Variants in ZNF350 observed in about 807,000 individuals in gnomAD.
ZNF350 encodes the protein KRAB zinc finger protein ZFQR.
In ZNF350, 5 loss-of-function variants were observed where a neutral mutation model predicts 13.1. That is an observed-to-expected ratio of 0.38 (90% CI 0.20 to 0.80). ZNF350 has a LOEUF of 0.80. Among genes scored for constraint, ZNF350 ranks in the 30% least tolerant of loss-of-function variants. ZNF350 has a pLI of 0.43. For missense variants in ZNF350, 534 were observed against 644.2 expected (o/e 0.83, Z 1.85); for synonymous variants, 199 against 224.2 (o/e 0.89, Z 1.00).
chr19:51,980,758 A>G (rs904829507), intron 1 of ZNF350, among the ~76,000 whole-genome samples: 1 of 152,246 alleles, frequency 6.6e-6, no homozygotes, highest in Non-Finnish European at 1.5e-5. Flanking sequence ...AAACAAAATT[A>G]TTGATTTAAA....
At chr19:51,975,443 A>AAAAAAAAAAAAAAAAAAAAAAT (rs2085864559) in intron 1 of ZNF350, among the ~76,000 whole-genome samples, 1 of 151,506 alleles carries the variant, frequency 6.6e-6, no homozygotes, top group Non-Finnish European at 1.5e-5. Flanking sequence ...AAAAAAAAAA[A>AAAAAAAAAAAAAAAAAAAAAAT]AAAAAAAAAC....
rs1327851589 is a variant in ZNF350, at chr19:51,965,900, T to C, written c.553A>G (p.Ile185Val). Reference sequence around the variant, plus strand: ...CTGATGAATTGGGACTTAGTGCTGATGAGTTTTTGACTTGCAGGGAATTTA... The same window carrying C: ...CTGATGAATTGGGACTTAGTGCTGACGAGTTTTTGACTTGCAGGGAATTTA... Reference protein sequence around the residue: ...AIKFPASQKLISTKSQFISPK... With the variant: ...AIKFPASQKLVSTKSQFISPK... The change falls in exon 5 of 5, where the codon ATC (isoleucine) becomes GTC (valine). Residue 185 changes from isoleucine (I) to valine (V), a missense_variant. Ile to Val is a conservative substitution (Grantham distance 29). Transcript: ENST00000243644. 9.3e-6 allele frequency: 15 copies of C among 1,614,132 alleles called. No individual in the cohort carries two copies. The South Asian group carries it at 1.4e-4, about 15-fold the overall frequency.
In ZNF350 at chr19:51,965,399, C is replaced by T; in HGVS notation, c.1054G>A (p.Gly352Arg). 6.2e-7 allele frequency: 1 copy of T among 1,614,112 alleles called. No homozygotes were observed. The highest frequency in any genetic ancestry group is 8.5e-7 in the Non-Finnish European group (1 of 1,180,024). The change falls in exon 5 of 5, where the codon GGA (glycine) becomes AGA (arginine). Residue 352 changes from glycine (G) to arginine (R), a missense_variant. Gly to Arg is a moderately radical substitution (Grantham distance 125). Coordinates refer to ENST00000243644, the MANE Select transcript of ZNF350 (RefSeq NM_021632.4). ...CCTGATTTCTGAGAACAGGATTTTC[C>T]ACATTCACTGCACACAAAGGGCGTC... ...GKTPFVCSECGKSCSQKSGLI... is the reference protein window; with the variant it reads ...GKTPFVCSECRKSCSQKSGLI...
chr19:51,972,167 A>T (rs1206572534), intron 2 of ZNF350, among the ~76,000 whole-genome samples: 1 of 151,998 alleles, frequency 6.6e-6, no homozygotes, highest in Non-Finnish European at 1.5e-5. Context: ...CAGTAATACA[A>T]AATTACCAAG....
chr19:51,972,331 AAAGT>A (rs1415768166), intron 2 of ZNF350, among the ~76,000 whole-genome samples: 9 of 151,564 alleles, frequency 5.9e-5, no homozygotes, highest in South Asian at 2.1e-4. Flanking sequence ...AAAAAGCAGA[AAAGT>A]AAAAGTAAAA....
intron 1 of ZNF350, among the ~76,000 whole-genome samples, chr19:51,979,365 T>A (rs1361590943): frequency 6.6e-6 from 1 of 152,130 alleles, no homozygotes; most frequent in Non-Finnish European, 1.5e-5. Context: ...CTCCTGAGAT[T>A]TATCACGATC....
intron 1 of ZNF350, among the ~76,000 whole-genome samples, chr19:51,983,734 C>T (rs1481213973): frequency 1.3e-5 from 2 of 152,176 alleles, no homozygotes; most frequent in Non-Finnish European, 1.5e-5. Context: ...TCCTGCCACA[C>T]CCCCCTCACC....
At chr19:51,968,984 A>G (rs2085655454) in intron 3 of ZNF350, 21 bp downstream of exon 3, 2 of 1,614,012 alleles carry the variant, frequency 1.2e-6, no homozygotes, top group African/African-American at 2.7e-5. Context: ...CCTCTGAGTG[A>G]CACAGGGCAG....
At chr19:51,984,385 A>G (rs2086123330) in intron 1 of ZNF350, among the ~76,000 whole-genome samples, 1 of 152,194 alleles carries the variant, frequency 6.6e-6, no homozygotes, top group East Asian at 1.9e-4. Context: ...TAAAGAGGCC[A>G]CATAAAGCAC....
rs4988337 is a variant in ZNF350, at chr19:51,964,883, C to T, written c.1570G>A (p.Val524Ile). The T allele has an allele frequency of 7.9e-4, 1,268 of 1,612,358 alleles. 5 individuals are homozygous for T. Among genetic ancestry groups the T allele is most frequent in the Non-Finnish European group, 8.8e-4 (1,036 of 1,178,610 alleles). ...NVVVPSVINYVLFYVTENP is the reference protein window; with the variant it reads ...NVVVPSVINYILFYVTENP ...GGGTTTTCTGTAACATAAAATAAGA[C>T]ATAATTGATCACGGAAGGCACAACC... The change falls in exon 5 of 5, where the codon GTC (valine) becomes ATC (isoleucine). Residue 524 changes from valine to isoleucine, a missense_variant. Physicochemically the swap from Val to Ile is conservative, Grantham distance 29 (BLOSUM62 3). Transcript: ENST00000243644.
intron 1 of ZNF350, chr19:51,981,495 A>G (rs2086042699): frequency 6.6e-6 from 1 of 152,164 alleles, no homozygotes; most frequent in Admixed American, 6.5e-5. Context: ...GGATTTCAGC[A>G]TCTTGGTCAG....
At chr19:51,972,711 A>G (rs1457562562) in intron 2 of ZNF350, among the ~76,000 whole-genome samples, 1 of 142,978 alleles carries the variant, frequency 7.0e-6, no homozygotes, top group Non-Finnish European at 1.5e-5. Flanking sequence ...TAATACATAT[A>G]TAGACATAGA....
chr19:51,979,337 A>G (rs2085977049), intron 1 of ZNF350, among the ~76,000 whole-genome samples: 1 of 152,120 alleles, frequency 6.6e-6, no homozygotes, highest in African/African-American at 2.4e-5. Context: ...AGTATGGCCT[A>G]TACTTTGGAG....
In ZNF350 at chr19:51,965,853, T is replaced by C; in HGVS notation, c.600A>G (p.Arg200=). The change falls in exon 5 of 5, where the codon CGA becomes CGG. Residue 200 remains arginine (R), a synonymous_variant. Transcript: ENST00000243644. ...TGCACACATGATGCTTCTCTAATTT[T>C]CGTGTTTTCTGATGCTTGGGACTGA... ...QFISPKHQKT[R]KLEKHHVCSE... 1 of 1,614,170 alleles carries C rather than the reference T, an allele frequency of 6.2e-7. No homozygotes were observed. Among genetic ancestry groups the C allele is most frequent in the Non-Finnish European group, 8.5e-7 (1 of 1,180,036 alleles).
intron 1 of ZNF350, among the ~76,000 whole-genome samples, chr19:51,983,468 G>A (rs2086101124): frequency 6.6e-6 from 1 of 152,138 alleles, no homozygotes; most frequent in Non-Finnish European, 1.5e-5. Flanking sequence ...TCCTCCCTGG[G>A]AATGGAATGT....
Position 51,964,812 on chromosome 19 carries a change from A to G in ZNF350, c.*42T>C. 6.4e-7 allele frequency: 1 copy of G among 1,566,522 alleles called. No individual in the cohort carries two copies. Among genetic ancestry groups the G allele is most frequent in the Non-Finnish European group, 8.7e-7 (1 of 1,155,024 alleles). On this transcript the variant is annotated 3_prime_UTR_variant, in exon 5 of 5. Coordinates refer to ENST00000243644, the MANE Select transcript of ZNF350 (RefSeq NM_021632.4). Reference sequence around the variant, plus strand: ...TTTTCGGCCACATAATGAACTACAAATTTTTGCTCAACCCTTTTCCACATA... The same window carrying G: ...TTTTCGGCCACATAATGAACTACAAGTTTTTGCTCAACCCTTTTCCACATA...
intron 1 of ZNF350, among the ~76,000 whole-genome samples, chr19:51,975,272 C>T (rs183065602): frequency 4.6e-5 from 7 of 152,048 alleles, no homozygotes; most frequent in South Asian, 2.1e-4. Flanking sequence ...AGTCCGAGAC[C>T]GGCCTAGCCA....
At chr19:51,975,942 T>C (rs1340831657) in intron 1 of ZNF350, among the ~76,000 whole-genome samples, 18 of 152,220 alleles carry the variant, frequency 1.2e-4, no homozygotes, top group Admixed American at 6.5e-5. Context: ...AGGCTACAGA[T>C]CAAACAGCAA....
chr19:51,980,804 A>G (rs1216681665), intron 1 of ZNF350: 1 of 152,192 alleles, frequency 6.6e-6, no homozygotes, highest in Non-Finnish European at 1.5e-5. Flanking sequence ...TCTTTAGAAG[A>G]CTGGACCGAA....
Sources: allele counts gnomAD v4.1 joint callset (sites outside exome capture counted in the v4.1 genomes callset), GRCh38; gene constraint gnomAD v4.1.1; transcripts MANE v1.5; gene names NCBI Gene and HGNC (gene_info 2026-07-23, HGNC 2026-07-21).